INPP4A: variants seen among roughly 807,000 people sequenced by gnomAD.
INPP4A encodes inositol polyphosphate-4-phosphatase type I A.
In INPP4A, 33 loss-of-function variants were observed where a neutral mutation model predicts 119.8. The observed-to-expected ratio is 0.28, with a 90% CI of 0.21 to 0.37. The LOEUF (loss-of-function observed/expected upper bound fraction) is 0.37. Among genes scored for constraint, INPP4A ranks in the 10% least tolerant of loss-of-function variants. The pLI is 1.00. For missense variants in INPP4A, 956 were observed against 1,289.9 expected, an observed-to-expected ratio of 0.74 and a Z score of 3.97; for synonymous variants, 496 against 500.7, an observed-to-expected ratio of 0.99 and a Z score of 0.12.
At chr2:98,509,889 A>G (rs1684805417) in intron 1 of INPP4A, among the ~76,000 whole-genome samples, 1 of 152,240 alleles carries the variant, frequency 6.6e-6, no homozygotes, top group Non-Finnish European at 1.5e-5. Flanking sequence ...GGCTGTCCCA[A>G]AGAACTCCAG....
chr2:98,464,888 G>A (rs1017669737), intron 1 of INPP4A, among the ~76,000 whole-genome samples: 2 of 152,220 alleles, frequency 1.3e-5, no homozygotes, highest in African/African-American at 4.8e-5. Flanking sequence ...CAACTGAGAC[G>A]ATACACACGA....
chr2:98,513,652 G>A (rs1685555572), intron 1 of INPP4A, among the ~76,000 whole-genome samples: 1 of 152,356 alleles, frequency 6.6e-6, no homozygotes, highest in East Asian at 1.9e-4. Flanking sequence ...GTTGTGGCAA[G>A]CCTGCACACA....
Position 98,554,926 on chromosome 2 carries a change from C to G in INPP4A, c.1566+437C>G, listed in dbSNP as rs183663710. On this transcript the variant is annotated intron_variant, in intron 15 of 24. Transcript: ENST00000409851. This position sits in a 1 kb window ranked among gnomAD's most constrained non-coding sequence, Gnocchi z 4.7. ...TAGATATGGATTTTGGAGCTGCCGCCCTGACATTACATCACATTATTGTTC... is the reference window on the plus strand; with the variant it reads ...TAGATATGGATTTTGGAGCTGCCGCGCTGACATTACATCACATTATTGTTC... Among the ~76,000 whole-genome samples the G allele has an allele frequency of 7.9e-5, 12 of 152,270 alleles. No individual in the cohort carries two copies. The highest frequency in any genetic ancestry group is 1.5e-4 in the Non-Finnish European group (10 of 68,014).
chr2:98,488,969 G>T (rs1238836462), intron 1 of INPP4A, among the ~76,000 whole-genome samples: 1 of 151,504 alleles, frequency 6.6e-6, no homozygotes, highest in Non-Finnish European at 1.5e-5. Context: ...GTGTGTGTGT[G>T]TGTGTGTGTG....
At chr2:98,526,771 C>T (rs1241370935) in intron 4 of INPP4A, among the ~76,000 whole-genome samples, 1 of 152,194 alleles carries the variant, frequency 6.6e-6, no homozygotes, top group African/African-American at 2.4e-5. Flanking sequence ...CCAGCATCTT[C>T]TCAGCTTCTG....
chr2:98,577,837 A>G (rs1698685626), intron 24 of INPP4A, among the ~76,000 whole-genome samples: 1 of 152,196 alleles, frequency 6.6e-6, no homozygotes, highest in Non-Finnish European at 1.5e-5. Flanking sequence ...ACCAAAAGAA[A>G]GGATAAGAAA....
intron 1 of INPP4A, among the ~76,000 whole-genome samples, chr2:98,496,329 A>G (rs928058406): frequency 5.3e-5 from 8 of 152,244 alleles, no homozygotes; most frequent in African/African-American, 1.9e-4. Flanking sequence ...CACGTACAGA[A>G]GAATGAAATT....
chr2:98,548,099 G>A (rs890684040), intron 13 of INPP4A, among the ~76,000 whole-genome samples: 5 of 151,434 alleles, frequency 3.3e-5, no homozygotes, highest in Non-Finnish European at 5.9e-5. Flanking sequence ...GGCAGCTAGG[G>A]GCGTCACTGA....
At chr2:98,489,741 A>G (rs137935493) in intron 1 of INPP4A, among the ~76,000 whole-genome samples, 2 of 152,216 alleles carry the variant, frequency 1.3e-5, no homozygotes, top group Non-Finnish European at 2.9e-5. Flanking sequence ...TGTTTTCTCT[A>G]GTCTGTAACT....
intron 1 of INPP4A, among the ~76,000 whole-genome samples, chr2:98,493,426 ATT>A (rs371958433): frequency 5.5e-4 from 68 of 123,052 alleles, no homozygotes; most frequent in African/African-American, 1.6e-3. Flanking sequence ...TTCTATTTCT[ATT>A]TTTTTTTTTT....
chr2:98,467,112 G>A (rs1674943040), intron 1 of INPP4A, among the ~76,000 whole-genome samples: 3 of 152,146 alleles, frequency 2.0e-5, no homozygotes, highest in African/African-American at 4.8e-5. Flanking sequence ...CTCACATGGC[G>A]AGAGAGGAAG....
chr2:98,579,461 T>TA (rs1698956035), intron 24 of INPP4A, among the ~76,000 whole-genome samples: 2 of 152,272 alleles, frequency 1.3e-5, no homozygotes, highest in Non-Finnish European at 2.9e-5. Flanking sequence ...TACATTCCCC[T>TA]AGCCACATTG....
At chr2:98,511,933 C>T (rs768974903) in intron 1 of INPP4A, among the ~76,000 whole-genome samples, 20 of 152,192 alleles carry the variant, frequency 1.3e-4, no homozygotes, top group East Asian at 3.9e-4. Context: ...AGCAAAGTAC[C>T]GTGGACCTTG....
At chr2:98,557,390 C>G (rs1382848549) in intron 16 of INPP4A, among the ~76,000 whole-genome samples, 1 of 152,188 alleles carries the variant, frequency 6.6e-6, no homozygotes, top group East Asian at 1.9e-4. Flanking sequence ...ATCTTTAGCA[C>G]AGCCAGGAAG....
At chr2:98,527,356 C>T (rs1278300613) in intron 4 of INPP4A, among the ~76,000 whole-genome samples, 1 of 152,166 alleles carries the variant, frequency 6.6e-6, no homozygotes, top group Non-Finnish European at 1.5e-5. Context: ...AGCTTTTTCC[C>T]TGAGAATGTT....
rs775824571 is a variant in INPP4A, at chr2:98,546,606, A to G, written c.1075A>G (p.Thr359Ala). Residue 359 changes from threonine to alanine, a missense_variant, in exon 13 of 25, where the codon ACC becomes GCC. Around this residue, in one of 2 missense-constraint regions of INPP4A, gnomAD observed 652 missense variants for 797.9 expected, o/e 0.82. Coordinates refer to ENST00000409851, the MANE Select transcript of INPP4A (RefSeq NM_001134225.2). The surrounding 1 kb of genome is among the most constrained non-coding windows in gnomAD (Gnocchi z 4.2). ...GGSDQNYDIV[T>A]IGAPAAHCQG... ...TTCAGATCAGAACTACGACATCGTC[A>G]CCATTGGGGCGCCAGCAGCACACTG... is the stretch of plus-strand genomic sequence containing the variant. 6.2e-7 allele frequency: 1 copy of G among 1,613,660 alleles called. No individual in the cohort carries two copies. Among genetic ancestry groups the G allele is most frequent in the East Asian group, 2.2e-5 (1 of 44,884 alleles).
intron 24 of INPP4A, among the ~76,000 whole-genome samples, chr2:98,579,888 C>T (rs1699026317): frequency 6.6e-6 from 1 of 152,246 alleles, no homozygotes; most frequent in South Asian, 2.1e-4. Context: ...AAAGCTCAAT[C>T]CTACTTTACC....
At chr2:98,514,877 T>C (rs1685803381) in intron 1 of INPP4A, among the ~76,000 whole-genome samples, 1 of 151,704 alleles carries the variant, frequency 6.6e-6, no homozygotes, top group African/African-American at 2.4e-5. Context: ...CTGATGTCAT[T>C]GCACTCCAGC....
intron 1 of INPP4A, among the ~76,000 whole-genome samples, chr2:98,515,620 A>G (rs1433820836): frequency 1.3e-5 from 2 of 152,174 alleles, no homozygotes; most frequent in Admixed American, 6.5e-5. Flanking sequence ...TTATTCTTAG[A>G]AGAACCCCAG....
Sources: allele counts gnomAD v4.1 joint callset (sites outside exome capture counted in the v4.1 genomes callset), GRCh38; gene constraint gnomAD v4.1.1; regional missense constraint gnomAD v4.1.1; non-coding constraint Gnocchi (gnomAD v3.1); transcripts MANE v1.5; gene names NCBI Gene and HGNC (gene_info 2026-07-23, HGNC 2026-07-21).